RBM33: variants seen among roughly 807,000 people sequenced by gnomAD.
RBM33 encodes RNA binding motif protein 33, also known as RNA-binding protein 33.
Under a neutral mutation model 132.6 loss-of-function variants are expected in RBM33, and 28 were observed. That is an observed-to-expected ratio of 0.21 (90% CI 0.16 to 0.29). The LOEUF is 0.29. Among genes scored for constraint, RBM33 ranks in the 10% least tolerant of loss-of-function variants. RBM33 has a pLI of 1.00. For synonymous variants in RBM33, 634 were observed against 593.0 expected (o/e 1.07, Z -1.01); for missense variants, 1,291 against 1,518.5 (o/e 0.85, Z 2.49).
At chr7:155,725,853 G>A (rs971631092) in intron 9 of RBM33, among the ~76,000 whole-genome samples, 2 of 152,058 alleles carry the variant, frequency 1.3e-5, no homozygotes, top group African/African-American at 4.8e-5. Context: ...CTTGGCACTA[G>A]GTGTATCCTT....
At chr7:155,690,684 AT>A (rs746450640) in intron 5 of RBM33, among the ~76,000 whole-genome samples, 5 of 152,050 alleles carry the variant, frequency 3.3e-5, no homozygotes, top group African/African-American at 4.8e-5. Context: ...ATCTCTGAGC[AT>A]TTGCTTGTCT....
chr7:155,673,940 G>GTTGTTGTTTTTTTTTTGTTTT, intron 3 of RBM33, among the ~76,000 whole-genome samples: 29 of 54,212 alleles, frequency 5.3e-4, no homozygotes, highest in African/African-American at 2.1e-3. Flanking sequence ...TTTAGGCTTA[G>GTTGTTGTTTTTTTTTTGTTTT]TTTTTTTTTT....
intron 1 of RBM33, among the ~76,000 whole-genome samples, chr7:155,664,683 T>C (rs1385485035): frequency 6.6e-6 from 1 of 152,234 alleles, no homozygotes; most frequent in Non-Finnish European, 1.5e-5. Flanking sequence ...ATGTGGCTAC[T>C]AGAAAACCTA....
intron 2 of RBM33, 61 bp from the exon 3 acceptor site, chr7:155,672,806 T>C: frequency 8.6e-7 from 1 of 1,159,824 alleles, no homozygotes; most frequent in Non-Finnish European, 1.2e-6. Flanking sequence ...TTCCAAGTGA[T>C]CTACAAACTT....
intron 13 of RBM33, 149 bp from the exon 14 acceptor site, chr7:155,744,812 T>C (rs1169784560): frequency 6.8e-6 from 5 of 736,904 alleles, no homozygotes; most frequent in Admixed American, 3.6e-5. Context: ...GAAGGAGTTA[T>C]ACTTAAAGTC....
intron 5 of RBM33, among the ~76,000 whole-genome samples, chr7:155,692,393 C>T (rs1322534249): frequency 6.6e-6 from 1 of 152,146 alleles, no homozygotes; most frequent in Non-Finnish European, 1.5e-5. Flanking sequence ...GTCCTTTGTT[C>T]CGGAATATCT....
chr7:155,704,272 T>C (rs79130966), intron 6 of RBM33, among the ~76,000 whole-genome samples: 1 of 152,172 alleles, frequency 6.6e-6, no homozygotes, highest in Non-Finnish European at 1.5e-5. Flanking sequence ...ATTGACTAGC[T>C]TTTTTTGCTC....
intron 1 of RBM33, 77 bp downstream of exon 1, chr7:155,644,996 C>G: frequency 1.7e-6 from 2 of 1,154,232 alleles, no homozygotes; most frequent in Non-Finnish European, 2.4e-6. Context: ...GGCCTCCCCG[C>G]TTAGGAGAGG....
rs576784466 is a variant in RBM33, at chr7:155,780,262, C to G, written c.*5221C>G. ...CGCGCGCACAGCACACAGGGGTGCC[C>G]TGAGCCGAAGGAGCAAAAAAAGCCA... On this transcript the variant is annotated 3_prime_UTR_variant, in exon 18 of 18. Transcript: ENST00000401878. The G allele has an allele frequency of 3.9e-5, 6 of 152,182 alleles. No individual in the cohort carries two copies. The highest frequency in any genetic ancestry group is 1.4e-4 in the African/African-American group (6 of 41,438). 9.4% of individuals were successfully genotyped at this position (152,182 alleles called of 1,614,324 possible). A position where few individuals can be genotyped will look rare whatever the true frequency, so the allele number is the denominator to read the frequency against.
intron 16 of RBM33, among the ~76,000 whole-genome samples, chr7:155,770,620 A>T (rs1342851523): frequency 6.9e-4 from 97 of 140,908 alleles, no homozygotes; most frequent in Non-Finnish European, 1.3e-3. Flanking sequence ...TTTTCCTTTA[A>T]GTGATTCCTT....
In RBM33 at chr7:155,778,012, C is replaced by T. The variant is rs952301807; in HGVS notation, c.*2971C>T. 6.6e-6 allele frequency: 1 copy of T among 152,598 alleles called. No homozygotes were observed. Among genetic ancestry groups the T allele is most frequent in the Non-Finnish European group, 1.5e-5 (1 of 68,046 alleles). The allele number at this position is 152,598 out of a possible 1,614,324, so 9.5% of individuals were successfully genotyped here. A position where few individuals can be genotyped will look rare whatever the true frequency, so the allele number is the denominator to read the frequency against. ...AGTTCACTTAGCTACTTTAGATAAC[C>T]TTGCATTACCACTGGTCTGGCCACG... On this transcript the variant is annotated 3_prime_UTR_variant, in exon 18 of 18. Transcript: ENST00000401878. This position sits in a 1 kb window ranked among gnomAD's most constrained non-coding sequence, Gnocchi z 4.0.
At chr7:155,738,477 T>G in intron 11 of RBM33, 74 bp downstream of exon 11, 1 of 1,367,454 alleles carries the variant, frequency 7.3e-7, no homozygotes, top group Admixed American at 2.4e-5. Flanking sequence ...AAGTTTCAGA[T>G]TTTTATTTGA....
intron 14 of RBM33, among the ~76,000 whole-genome samples, chr7:155,749,700 A>G (rs995974162): frequency 6.6e-6 from 1 of 152,212 alleles, no homozygotes; most frequent in Non-Finnish European, 1.5e-5. Context: ...TTGATACATG[A>G]AAACGCAGCC....
chr7:155,721,111 A>G (rs545406638), intron 9 of RBM33, among the ~76,000 whole-genome samples: 2 of 151,180 alleles, frequency 1.3e-5, no homozygotes, highest in South Asian at 4.2e-4. Context: ...CTCCTAGGAT[A>G]GGTAACATTC....
rs1356572094 is a variant in RBM33 at position 155,745,508 on chromosome 7, G to A, written c.2885G>A (p.Gly962Asp). Residue 962 changes from glycine to aspartate, a missense_variant, in exon 14 of 18, where the codon GGC (glycine) becomes GAC (aspartate). Around this residue, in one of 7 missense-constraint regions of RBM33, gnomAD observed 841 missense variants for 912.0 expected, o/e 0.92. Coordinates refer to ENST00000401878, the MANE Select transcript of RBM33 (RefSeq NM_053043.3). The surrounding 1 kb of genome is among the most constrained non-coding windows in gnomAD (Gnocchi z 4.1). The part of the protein sequence containing the change: ...IQGRPQDTKP[G>D]VKRTVTHRTN... ...GGCCGGCCCCAGGACACAAAGCCTG[G>A]CGTGAAAAGGACTGTCACGCACAGG... The A allele has an allele frequency of 6.2e-7, 1 of 1,613,152 alleles. No individual in the cohort carries two copies. Among genetic ancestry groups the A allele is most frequent in the Non-Finnish European group, 8.5e-7 (1 of 1,179,632 alleles).
chr7:155,762,595 T>C (rs1263298466), intron 14 of RBM33, among the ~76,000 whole-genome samples: 1 of 152,244 alleles, frequency 6.6e-6, no homozygotes, highest in Non-Finnish European at 1.5e-5. Context: ...TGTACAGTCT[T>C]AGCAGAAACA....
At chr7:155,710,969 G>C (rs773550280) in intron 7 of RBM33, among the ~76,000 whole-genome samples, 3 of 151,422 alleles carry the variant, frequency 2.0e-5, no homozygotes, top group Non-Finnish European at 4.4e-5. Context: ...CCTCTTGCGT[G>C]GGGATTGACT....
intron 9 of RBM33, among the ~76,000 whole-genome samples, chr7:155,724,052 GAC>G (rs1800705612): frequency 6.6e-6 from 1 of 152,170 alleles, no homozygotes; most frequent in Non-Finnish European, 1.5e-5. Flanking sequence ...TGAAATGTTG[GAC>G]ACAGTTTAAA....
At chr7:155,701,647 CTGAT>C (rs979174302) in intron 6 of RBM33, among the ~76,000 whole-genome samples, 35 of 152,234 alleles carry the variant, frequency 2.3e-4, no homozygotes, top group African/African-American at 7.2e-4. Flanking sequence ...CCCAGCTTCT[CTGAT>C]TGATTAGATA....
Sources: gnomAD v4.1 joint callset for allele counts (sites outside exome capture counted in the v4.1 genomes callset) on GRCh38, gnomAD v4.1.1 for gene constraint, gnomAD v4.1.1 regional missense constraint, Gnocchi (gnomAD v3.1) non-coding constraint, MANE v1.5 for transcripts, NCBI Gene and HGNC (gene_info 2026-07-23, HGNC 2026-07-21) for gene names.